TRIM24: variants seen among roughly 807,000 people sequenced by gnomAD.
TRIM24 encodes the protein transcription intermediary factor 1-alpha.
In TRIM24, 29 loss-of-function variants were observed where a neutral mutation model predicts 123.9. That is an observed-to-expected ratio of 0.23 (90% CI 0.17 to 0.32). TRIM24 has a LOEUF of 0.32. Among genes scored for constraint, TRIM24 ranks in the 10% least tolerant of loss-of-function variants. TRIM24 has a pLI of 1.00. For synonymous variants in TRIM24, 456 were observed against 461.1 expected, an observed-to-expected ratio of 0.99 and a Z score of 0.14; for missense variants, 932 against 1,295.3, an observed-to-expected ratio of 0.72 and a Z score of 4.31.
At position 138,529,198 on chromosome 7, in the gene TRIM24, A is replaced by T; in HGVS notation, c.964A>T (p.Lys322Ter). 6.4e-7 allele frequency: 1 copy of T among 1,570,738 alleles called. No individual in the cohort carries two copies. The highest frequency in any genetic ancestry group is 8.6e-7 in the Non-Finnish European group (1 of 1,160,796). ...ATTTACACTGATGGTAGAAATAAAT[A>T]AAAAAGGAAAAGCTCTACTGCATCA... ...AIFTLMVEIN[K>*]KGKALLHQLE... is the part of the protein sequence containing the mutation. The change falls in exon 6 of 19, where the codon AAA becomes TAA. Residue 322 changes from lysine to a stop codon, truncating the protein, a stop_gained. Coordinates refer to ENST00000343526, the MANE Select transcript of TRIM24 (RefSeq NM_015905.3). LOFTEE classifies it high-confidence loss of function.
chr7:138,491,048 G>T (rs750570224), intron 1 of TRIM24: 13 of 263,276 alleles, frequency 4.9e-5, no homozygotes, highest in Non-Finnish European at 7.5e-5. Context: ...AACACATTTT[G>T]TCCTGGAGTA....
In TRIM24 at chr7:138,517,659, C is replaced by T. The variant is rs1017282644; in HGVS notation, c.632-1530C>T. 2.6e-5 allele frequency among the ~76,000 whole-genome samples: 4 copies of T among 152,148 alleles called. No homozygotes were observed. In the East Asian group the frequency reaches 5.8e-4, roughly 22 times the overall value. On this transcript the variant is annotated intron_variant, in intron 3 of 18. Coordinates refer to ENST00000343526, the MANE Select transcript of TRIM24 (RefSeq NM_015905.3). The stretch of plus-strand genomic sequence containing the variant: ...AAAGTGCTGGGATTACAGATGTGAG[C>T]CACCACGCCTGGTATAGGCCAGCAT...
chr7:138,577,298 G>T, intron 13 of TRIM24, 122 bp from the exon 14 acceptor site: 2 of 697,924 alleles, frequency 2.9e-6, no homozygotes, highest in Non-Finnish European at 4.3e-6. Context: ...ATCATTAATT[G>T]CTGATGTTAA....
At chr7:138,575,142 A>G (rs1797729883) in intron 12 of TRIM24, among the ~76,000 whole-genome samples, 1 of 152,218 alleles carries the variant, frequency 6.6e-6, no homozygotes, top group Non-Finnish European at 1.5e-5. Flanking sequence ...AAGATGTAAA[A>G]GTATGTTTAA....
chr7:138,580,486 GA>G, intron 15 of TRIM24, 75 bp from the exon 16 acceptor site: 1 of 1,523,398 alleles, frequency 6.6e-7, no homozygotes. Context: ...AGATGTCATG[GA>G]GGAGGTGGGA....
intron 15 of TRIM24, among the ~76,000 whole-genome samples, chr7:138,579,748 C>CCTGT (rs1050074453): frequency 6.6e-6 from 1 of 152,016 alleles, no homozygotes; most frequent in Non-Finnish European, 1.5e-5. Context: ...ACAGGGAGAC[C>CCTGT]CTGTCTGTCT....
chr7:138,468,821 T>A (rs1290361305), intron 1 of TRIM24, among the ~76,000 whole-genome samples: 1 of 152,186 alleles, frequency 6.6e-6, no homozygotes, highest in Non-Finnish European at 1.5e-5. Flanking sequence ...GCACCCTTTC[T>A]CTGTTCAGCT....
At chr7:138,542,594 T>G (rs182541927) in intron 7 of TRIM24, among the ~76,000 whole-genome samples, 3 of 152,330 alleles carry the variant, frequency 2.0e-5, no homozygotes, top group Admixed American at 2.0e-4. Flanking sequence ...CAATGTGGTG[T>G]TGTCACAAAC....
At chr7:138,499,094 T>A (rs1202046649) in intron 1 of TRIM24, among the ~76,000 whole-genome samples, 1 of 152,246 alleles carries the variant, frequency 6.6e-6, no homozygotes, top group African/African-American at 2.4e-5. Flanking sequence ...TTTTTTAATT[T>A]TTTTTTAGCT....
At chr7:138,555,410 A>G (rs925313834) in intron 9 of TRIM24, among the ~76,000 whole-genome samples, 1 of 152,094 alleles carries the variant, frequency 6.6e-6, no homozygotes, top group Non-Finnish European at 1.5e-5. Flanking sequence ...GTGATTCATT[A>G]TAATCTACCT....
intron 4 of TRIM24, among the ~76,000 whole-genome samples, chr7:138,522,016 A>G (rs927333804): frequency 6.6e-6 from 1 of 151,948 alleles, no homozygotes; most frequent in African/African-American, 2.4e-5. Flanking sequence ...AGTGCTAGCT[A>G]CCTAGCTACT....
chr7:138,494,826 G>T (rs2116506660), intron 1 of TRIM24, among the ~76,000 whole-genome samples: 1 of 152,184 alleles, frequency 6.6e-6, no homozygotes, highest in South Asian at 2.1e-4. Flanking sequence ...CCACTTCTAA[G>T]AATTTATTTT....
At chr7:138,515,184 A>C in intron 2 of TRIM24, 28 bp from the exon 3 acceptor site, 1 of 1,590,154 alleles carries the variant, frequency 6.3e-7, no homozygotes, top group South Asian at 1.1e-5. Context: ...TTTTCTCAAA[A>C]ATTTACGTGC....
intron 1 of TRIM24, among the ~76,000 whole-genome samples, chr7:138,478,367 C>A (rs1378029545): frequency 6.7e-6 from 1 of 149,504 alleles, no homozygotes; most frequent in East Asian, 2.0e-4. Context: ...TTGTTTTGGG[C>A]ACAGTGGTTC....
chr7:138,584,709 C>A, intron 18 of TRIM24, 33 bp from the exon 19 acceptor site: 1 of 1,532,602 alleles, frequency 6.5e-7, no homozygotes, highest in Non-Finnish European at 8.8e-7. Flanking sequence ...AAAGTGTGTC[C>A]TTTTTTTACT....
chr7:138,573,414 AATT>A (rs71863733), intron 11 of TRIM24, 90 bp from the exon 12 acceptor site: 378,168 of 1,177,740 alleles, frequency 0.32, 63,033 homozygotes, highest in East Asian at 0.56. Context: ...ATTCGATAAT[AATT>A]ATTAAGTTAT....
intron 14 of TRIM24, 65 bp downstream of exon 14, chr7:138,577,653 T>C (rs964816913): frequency 7.4e-7 from 1 of 1,353,114 alleles, no homozygotes; most frequent in Non-Finnish European, 9.8e-7. Context: ...ATCTTTTAAA[T>C]AGCTCTTAGG....
At chr7:138,475,758 C>T (rs1009264062) in intron 1 of TRIM24, among the ~76,000 whole-genome samples, 28 of 152,340 alleles carry the variant, frequency 1.8e-4, no homozygotes, top group African/African-American at 6.7e-4. Context: ...GATCCACCCA[C>T]CTCAGCATCC....
chr7:138,504,573 C>T (rs1796110901), intron 2 of TRIM24, among the ~76,000 whole-genome samples, 165 bp downstream of exon 2: 1 of 151,136 alleles, frequency 6.6e-6, no homozygotes, highest in Non-Finnish European at 1.5e-5. Context: ...CACCATTCTC[C>T]TGCCTCAGCC....
Sources: allele counts gnomAD v4.1 joint callset (sites outside exome capture counted in the v4.1 genomes callset), GRCh38; gene constraint gnomAD v4.1.1; transcripts MANE v1.5; gene names NCBI Gene and HGNC (gene_info 2026-07-23, HGNC 2026-07-21).